ZNF343: variants seen among roughly 807,000 people sequenced by gnomAD.
ZNF343 encodes zinc finger protein 343.
In ZNF343, 11 loss-of-function variants were observed where a neutral mutation model predicts 13.8. The ratio of observed to expected loss-of-function variants is 0.80; its 90% CI spans 0.50 to 1.32. The LOEUF (loss-of-function observed/expected upper bound fraction) is 1.32. Among genes scored for constraint, ZNF343 ranks in the 40% most tolerant of loss-of-function variants. The probability of loss-of-function intolerance (pLI) is 0.00; values close to 1 mark genes in which losing one functional copy is unlikely to be tolerated. For missense variants in ZNF343, 658 were observed against 714.2 expected, an observed-to-expected ratio of 0.92 and a Z score of 0.90; for synonymous variants, 248 against 260.0, an observed-to-expected ratio of 0.95 and a Z score of 0.44.
intron 2 of ZNF343, among the ~76,000 whole-genome samples, chr20:2,498,224 C>T (rs1475396738): frequency 1.3e-5 from 2 of 152,084 alleles, no homozygotes; most frequent in Non-Finnish European, 2.9e-5. Context: ...GGCGTGGTGG[C>T]GCATGCCTAT....
rs550213898 is a variant in ZNF343, at chr20:2,522,039, T to C, written c.-347+2416A>G. Among the ~76,000 whole-genome samples, 7 of 152,340 alleles carry C rather than the reference T, an allele frequency of 4.6e-5. No homozygotes were observed. In the South Asian group the frequency reaches 1.2e-3, roughly 27 times the overall value. ...TTGAGCTTGATTTAACATAAACTCT[T>C]AGATATACTCTAAGTTACTCTAAGA... On this transcript the variant is annotated intron_variant, in intron 1 of 6. Coordinates refer to the ZNF343 transcript ENST00000358413.
chr20:2,510,846 G>A (rs115317479), upstream of ZNF343, among the ~76,000 whole-genome samples: 1,033 of 152,308 alleles, frequency 6.8e-3, 11 homozygotes, highest in African/African-American at 0.021. Context: ...TCAGGGGTTT[G>A]TATAGCAGGG....
rs187942014 is a variant in ZNF343 at position 2,517,263 on chromosome 20, T to G, written c.-347+7192A>C. Among the ~76,000 whole-genome samples, 121 of 152,280 alleles carry G rather than the reference T, an allele frequency of 7.9e-4. 2 individuals are homozygous for G. The highest frequency in any genetic ancestry group is 7.7e-3 in the Admixed American group (117 of 15,294). On this transcript the variant is annotated intron_variant, in intron 1 of 6. Transcript: ENST00000358413. ...TCCAGAGAAATAGAAGCAACAGAAT[T>G]TGTATGTGTTTATGTATTTGTATAT...
Position 2,483,431 on chromosome 20 carries a change from T to G in ZNF343, c.1530A>C (p.Arg510Ser). ...RGFSQKSNLI[R>S]HQRTHSNEKP... ...TCTCATTTGAGTGCGTCCTCTGGTG[T>G]CTGATGAGATTTGACTTCTGGCTAA... The change falls in exon 6 of 6, where the codon AGA becomes AGC. Residue 510 changes from arginine to serine, a missense_variant. Coordinates refer to ENST00000278772, the MANE Select transcript of ZNF343 (RefSeq NM_024325.6). The G allele has an allele frequency of 6.2e-7, 1 of 1,609,986 alleles. No homozygotes were observed. Among genetic ancestry groups the G allele is most frequent in the Non-Finnish European group, 8.5e-7 (1 of 1,179,020 alleles).
Position 2,484,218 on chromosome 20 carries a change from G to A in ZNF343, c.743C>T (p.Pro248Leu), listed in dbSNP as rs762505042. 23 of 1,614,044 alleles carry A rather than the reference G, an allele frequency of 1.4e-5. No individual in the cohort carries two copies. Among genetic ancestry groups the A allele is most frequent in the African/African-American group, 9.3e-5 (7 of 74,914 alleles). Residue 248 changes from proline to leucine, a missense_variant, in exon 6 of 6, where the codon CCG (proline) becomes CTG (leucine). By Grantham distance (98) the Pro-to-Leu change is moderately conservative (BLOSUM62 -3). Coordinates refer to ENST00000278772, the MANE Select transcript of ZNF343 (RefSeq NM_024325.6). ...AAAGTTTGATTCCAGGTTATGGTCC[G>A]GTTCATACTCTCTACAGTTGATTGC... ...FGAINCREYE[P>L]DHNLESNFIT...
intron 2 of ZNF343, among the ~76,000 whole-genome samples, chr20:2,500,044 G>C (rs2085533671): frequency 6.6e-6 from 1 of 150,872 alleles, no homozygotes; most frequent in Non-Finnish European, 1.5e-5. Flanking sequence ...GCATAGGATA[G>C]TATTTATAGG....
At chr20:2,519,153 T>C (rs948540223) in intron 1 of ZNF343, among the ~76,000 whole-genome samples, 3 of 152,174 alleles carry the variant, frequency 2.0e-5, no homozygotes, top group African/African-American at 7.2e-5. Context: ...CATTCACTAC[T>C]TTCTGACCCA....
intron 1 of ZNF343, among the ~76,000 whole-genome samples, chr20:2,523,309 T>G (rs182220040): frequency 3.3e-5 from 5 of 152,316 alleles, no homozygotes; most frequent in Non-Finnish European, 7.3e-5. Context: ...ACACCTTGTT[T>G]AGCATACAAT....
At chr20:2,504,354 C>T (rs530981251) in intron 1 of ZNF343, among the ~76,000 whole-genome samples, 9 of 152,236 alleles carry the variant, frequency 5.9e-5, no homozygotes, top group Admixed American at 1.3e-4. Context: ...GATTCACAGC[C>T]GAATTCTACC....
upstream of ZNF343, chr20:2,509,208 T>C (rs1179935800): frequency 1.3e-5 from 2 of 152,244 alleles, no homozygotes; most frequent in African/African-American, 4.8e-5. Flanking sequence ...TCATTTCCGA[T>C]TGGCGAATCT....
At chr20:2,504,676 T>C (rs2085625541) in intron 1 of ZNF343, among the ~76,000 whole-genome samples, 2 of 152,166 alleles carry the variant, frequency 1.3e-5, no homozygotes, top group South Asian at 4.1e-4. Context: ...TAATCCAGCA[T>C]ATAAACAGAA....
In ZNF343 at chr20:2,483,759, C is replaced by T. The variant is rs991467988; in HGVS notation, c.1202G>A (p.Arg401Lys). 6.2e-7 allele frequency: 1 copy of T among 1,614,096 alleles called. No homozygotes were observed. The highest frequency in any genetic ancestry group is 8.5e-7 in the Non-Finnish European group (1 of 1,180,048). The stretch of plus-strand genomic sequence containing the variant: ...ATAAGGCTTCTCCCCTGAGTGTATC[C>T]TCTGGTGTTTTCTGAGGGTTGACTT... ...CDKSTLRKHQ[R>K]IHSGEKPYVC... Residue 401 changes from arginine to lysine, a missense_variant, in exon 6 of 6, where the codon AGG becomes AAG. Transcript: ENST00000278772.
chr20:2,509,321 C>T (rs899208831), upstream of ZNF343, among the ~76,000 whole-genome samples: 2 of 152,206 alleles, frequency 1.3e-5, no homozygotes, highest in African/African-American at 4.8e-5. Context: ...ACGCGAACTA[C>T]CTTGCGTGAG....
At chr20:2,485,271 T>C (rs903715474) in intron 5 of ZNF343, among the ~76,000 whole-genome samples, 2 of 152,234 alleles carry the variant, frequency 1.3e-5, no homozygotes, top group African/African-American at 4.8e-5. Context: ...GATTTTAGGA[T>C]TCTGGCACCA....
In ZNF343 at chr20:2,493,978, G is replaced by C. The variant is rs1600053219; in HGVS notation, c.-83C>G. On this transcript the variant is annotated 5_prime_UTR_variant, in exon 3 of 6. Transcript: ENST00000278772. Reference sequence around the variant, plus strand: ...TTATTTCATCTCAAGATGGAGTTCTGCTGCCTGTGGTGACTTCTTCCAACC... The same window carrying C: ...TTATTTCATCTCAAGATGGAGTTCTCCTGCCTGTGGTGACTTCTTCCAACC... 2.2e-5 allele frequency: 21 copies of C among 949,578 alleles called. No individual in the cohort carries two copies. In the South Asian group the frequency reaches 2.7e-4, roughly 12 times the overall value. The allele number at this position is 949,578 out of a possible 1,614,324, so 58.8% of individuals were successfully genotyped here. A position where few individuals can be genotyped will look rare whatever the true frequency, so the allele number is the denominator to read the frequency against.
chr20:2,510,543 G>A (rs576782276), upstream of ZNF343, among the ~76,000 whole-genome samples: 1 of 152,156 alleles, frequency 6.6e-6, no homozygotes, highest in South Asian at 2.1e-4. Context: ...TCAGGAGATA[G>A]AGAACATGGC....
At chr20:2,502,851 C>T (rs1188585741) in intron 1 of ZNF343, among the ~76,000 whole-genome samples, 1 of 152,198 alleles carries the variant, frequency 6.6e-6, no homozygotes, top group African/African-American at 2.4e-5. Flanking sequence ...CCAGCCACCT[C>T]AAAAACATGC....
chr20:2,499,300 C>T (rs1267230792), intron 2 of ZNF343, among the ~76,000 whole-genome samples: 4 of 139,482 alleles, frequency 2.9e-5, no homozygotes, highest in African/African-American at 5.3e-5. Flanking sequence ...CCCGTCTCTA[C>T]TAAAAATACA....
In ZNF343 at chr20:2,482,699, C is replaced by G. The variant is rs2085185302; in HGVS notation, c.*462G>C. The G allele has an allele frequency of 5.8e-6, 1 of 172,854 alleles. No individual in the cohort carries two copies. Among genetic ancestry groups the G allele is most frequent in the African/African-American group, 2.4e-5 (1 of 41,818 alleles). 10.7% of individuals were successfully genotyped at this position (172,854 alleles called of 1,614,324 possible). ...CACAGTGTCCCCACATGCAGATTCT[C>G]CCTGTGGTGTGTGATCACAAAAGCT... On this transcript the variant is annotated 3_prime_UTR_variant, in exon 6 of 6. Transcript: ENST00000278772.
Sources: allele counts gnomAD v4.1 joint callset (sites outside exome capture counted in the v4.1 genomes callset), GRCh38; gene constraint gnomAD v4.1.1; transcripts MANE v1.5; gene names NCBI Gene and HGNC (gene_info 2026-07-23, HGNC 2026-07-21).